The following CLCN1 variants were observed in gnomAD, a reference collection of about 807,000 sequenced individuals.
CLCN1 encodes the protein chloride channel protein 1.
Under a neutral mutation model 114.5 loss-of-function variants are expected in CLCN1, and 100 were observed. The observed-to-expected ratio is 0.87, with a 90% CI of 0.74 to 1.03. The LOEUF is 1.03. Ranked by LOEUF, CLCN1 falls within the 50% of genes least tolerant of loss-of-function variation. CLCN1 has a pLI of 0.00. For synonymous variants in CLCN1, 485 were observed against 487.1 expected, an observed-to-expected ratio of 1.00 and a Z score of 0.06; for missense variants, 1,188 against 1,250.0, an observed-to-expected ratio of 0.95 and a Z score of 0.75.
chr7:143,323,258 A>C, intron 5 of CLCN1, 51 bp from the exon 6 acceptor site: 1 of 942,768 alleles, frequency 1.1e-6, no homozygotes, highest in Non-Finnish European at 1.8e-6. Context: ...TGAGTGCTGC[A>C]GAGCCTCCAT....
rs1563087092 is a variant in CLCN1 at position 143,345,652 on chromosome 7, G to C, written c.2062G>C (p.Gly688Arg). 4 of 1,565,706 alleles carry C rather than the reference G, an allele frequency of 2.6e-6. No individual in the cohort carries two copies. The highest frequency in any genetic ancestry group is 1.8e-4 in the Middle Eastern group (1 of 5,642). ...ARKLSELPYD[G>R]KARLAGEGLP... ...GAAGTTGTCGGAGCTGCCTTACGAC[G>C]GGAAGGCGCGGCTGGCTGGGGAGGG... Residue 688 changes from glycine to arginine, a missense_variant, in exon 17 of 23, where the codon GGG becomes CGG. Gly to Arg is a moderately radical substitution (Grantham distance 125). Transcript: ENST00000343257.
At chr7:143,336,535 G>T (rs1396070183) in intron 12 of CLCN1, among the ~76,000 whole-genome samples, 1 of 150,410 alleles carries the variant, frequency 6.6e-6, no homozygotes, top group Admixed American at 6.7e-5. Context: ...GCTTGAACGC[G>T]GGAGCCAGAG....
At chr7:143,349,440 G>A (rs1199921383) in intron 20 of CLCN1, among the ~76,000 whole-genome samples, 1 of 151,764 alleles carries the variant, frequency 6.6e-6, no homozygotes, top group African/African-American at 2.4e-5. Flanking sequence ...TGGACAAATA[G>A]GAAAATAGAG....
At chr7:143,338,886 G>A (rs919098267) in intron 12 of CLCN1, among the ~76,000 whole-genome samples, 4 of 151,900 alleles carry the variant, frequency 2.6e-5, no homozygotes, top group Non-Finnish European at 5.9e-5. Context: ...AGGCTACTTT[G>A]CTGAGGCAAA....
At chr7:143,336,981 A>G (rs187257673) in intron 12 of CLCN1, among the ~76,000 whole-genome samples, 2 of 152,334 alleles carry the variant, frequency 1.3e-5, no homozygotes, top group Admixed American at 6.5e-5. Flanking sequence ...GAGATGGTAC[A>G]GGATAGTTCA....
intron 16 of CLCN1, 29 bp downstream of exon 16, chr7:143,342,534 G>T (rs1396377609): frequency 6.2e-7 from 1 of 1,613,406 alleles, no homozygotes; most frequent in Non-Finnish European, 8.5e-7. Context: ...GTCGACTCCA[G>T]AGCTAGTGAC....
At chr7:143,347,079 A>G in intron 20 of CLCN1, 130 bp downstream of exon 20, 1 of 855,364 alleles carries the variant, frequency 1.2e-6, no homozygotes, top group South Asian at 1.3e-5. Flanking sequence ...TTTTGAGAGG[A>G]TGGAAATAAG....
chr7:143,329,168 A>G (rs1406539346), intron 7 of CLCN1, among the ~76,000 whole-genome samples: 4 of 151,982 alleles, frequency 2.6e-5, no homozygotes, highest in African/African-American at 7.2e-5. Flanking sequence ...GGGTTTCACC[A>G]TGTTGGCCAG....
intron 16 of CLCN1, 99 bp downstream of exon 16, chr7:143,342,604 GC>G: frequency 8.4e-7 from 1 of 1,197,400 alleles, no homozygotes; most frequent in Non-Finnish European, 1.2e-6. Flanking sequence ...GTCTTTAGGG[GC>G]CATCCAATGT....
rs765181341 is a variant in CLCN1 at position 143,324,465 on chromosome 7, G to A, written c.826G>A (p.Gly276Ser). The A allele has an allele frequency of 2.2e-5, 35 of 1,613,790 alleles. No homozygotes were observed. The highest frequency in any genetic ancestry group is 1.7e-4 in the Middle Eastern group (1 of 5,986). The change falls in exon 7 of 23, where the codon GGC becomes AGC. Residue 276 changes from glycine (G) to serine (S), a missense_variant. Coordinates refer to ENST00000343257, the MANE Select transcript of CLCN1 (RefSeq NM_000083.3). The surrounding 1 kb of genome is among the most constrained non-coding windows in gnomAD (Gnocchi z 4.6). ...ILTVGCAVGV[G>S]CCFGTPLGGV... ...GACGGTGGGCTGTGCTGTGGGAGTCGGCTGTTGTTTTGGGACACCACTTGG... is the reference window on the plus strand; with the variant it reads ...GACGGTGGGCTGTGCTGTGGGAGTCAGCTGTTGTTTTGGGACACCACTTGG...
At chr7:143,341,785 C>T (rs183295194) in intron 14 of CLCN1, 144 bp from the exon 15 acceptor site, 4 of 711,398 alleles carry the variant, frequency 5.6e-6, no homozygotes, top group Admixed American at 4.0e-5. Flanking sequence ...GTATTCTATT[C>T]CCTACTCTTG....
chr7:143,322,317 G>A (rs1260670264), intron 5 of CLCN1, among the ~76,000 whole-genome samples: 3 of 152,092 alleles, frequency 2.0e-5, no homozygotes, highest in Non-Finnish European at 4.4e-5. Context: ...GAGAAAACTA[G>A]GACTGAGAAA....
chr7:143,334,173 A>G (rs974126282), intron 12 of CLCN1, among the ~76,000 whole-genome samples: 1 of 151,858 alleles, frequency 6.6e-6, no homozygotes, highest in Non-Finnish European at 1.5e-5. Flanking sequence ...AGATTGTGCC[A>G]TTGCACTCCA....
At chr7:143,331,506 G>T in intron 9 of CLCN1, 45 bp from the exon 10 acceptor site, 1 of 1,388,496 alleles carries the variant, frequency 7.2e-7, no homozygotes, top group Non-Finnish European at 1.0e-6. Flanking sequence ...AAGAGATGAG[G>T]ATTTCATGTC....
chr7:143,345,492 C>A, intron 16 of CLCN1, 29 bp from the exon 17 acceptor site: 6 of 1,514,658 alleles, frequency 4.0e-6, no homozygotes, highest in Non-Finnish European at 5.3e-6. Flanking sequence ...TTGGAGGGGG[C>A]GCTCAGGCAG....
chr7:143,323,193 C>T, intron 5 of CLCN1, 116 bp from the exon 6 acceptor site: 1 of 728,990 alleles, frequency 1.4e-6, no homozygotes, highest in Non-Finnish European at 2.5e-6. Flanking sequence ...CTGTGTAACT[C>T]CCGTATTTCC....
At chr7:143,351,229 T>A (rs1239524091) in intron 22 of CLCN1, among the ~76,000 whole-genome samples, 1 of 151,700 alleles carries the variant, frequency 6.6e-6, no homozygotes, top group Non-Finnish European at 1.5e-5. Flanking sequence ...GTAGATAGTG[T>A]GGGTTTGAGA....
intron 7 of CLCN1, among the ~76,000 whole-genome samples, chr7:143,330,300 G>A (rs1287111190): frequency 6.6e-6 from 1 of 152,132 alleles, no homozygotes; most frequent in Non-Finnish European, 1.5e-5. Flanking sequence ...AGAACGGTAG[G>A]AAAGTCCAGA....
In CLCN1 at chr7:143,342,396, C is replaced by T. The variant is rs1803105187; in HGVS notation, c.1821C>T (p.Asp607=). 2 of 1,614,084 alleles carry T rather than the reference C, an allele frequency of 1.2e-6. No homozygotes were observed. Among genetic ancestry groups the T allele is most frequent in the African/African-American group, 1.3e-5 (1 of 75,022 alleles). The change falls in exon 16 of 23, where the codon GAC becomes GAT. Residue 607 remains aspartate (D), a synonymous_variant. Transcript: ENST00000343257. ...QLSKYTIFVE[D]IMVRDVKFVS... is the part of the protein sequence containing the mutation. Reference sequence around the variant, plus strand: ...GCAAATATACCATCTTTGTTGAGGACATCATGGTACGTGATGTGAAGTTTG... The same window carrying T: ...GCAAATATACCATCTTTGTTGAGGATATCATGGTACGTGATGTGAAGTTTG...
Sources: gnomAD v4.1 joint callset for allele counts (sites outside exome capture counted in the v4.1 genomes callset) on GRCh38, gnomAD v4.1.1 for gene constraint, Gnocchi (gnomAD v3.1) non-coding constraint, MANE v1.5 for transcripts, NCBI Gene and HGNC (gene_info 2026-07-23, HGNC 2026-07-21) for gene names.